CAMK2N2: variants seen among roughly 807,000 people sequenced by gnomAD.
The protein encoded by CAMK2N2 is calcium/calmodulin-dependent protein kinase II inhibitor 2.
A neutral mutation model predicts 7.8 loss-of-function variants in CAMK2N2; 3 were observed. The observed-to-expected ratio is 0.38, with a 90% confidence interval of 0.18 to 0.99. The LOEUF (loss-of-function observed/expected upper bound fraction) is 0.99. Among genes scored for constraint, CAMK2N2 ranks in the 50% least tolerant of loss-of-function variants. CAMK2N2 has a pLI of 0.37. For missense variants in CAMK2N2, 85 were observed against 108.4 expected (o/e 0.78, Z 0.96); for synonymous variants, 45 against 46.6 (o/e 0.97, Z 0.14).
In CAMK2N2 at chr3:184,261,064, G is replaced by T. The variant is rs1286529668; in HGVS notation, c.169+53C>A. On this transcript the variant is annotated intron_variant, in intron 1 of 1. Coordinates refer to ENST00000296238, the MANE Select transcript of CAMK2N2 (RefSeq NM_033259.3). This position sits in a 1 kb window ranked among gnomAD's most constrained non-coding sequence, Gnocchi z 5.1. ...CGGCGGGGAACGGCAGCCGGGGGGC[G>T]CCCGGCGGAGGGTTTCTGGGTCAGG... 1.3e-6 allele frequency: 2 copies of T among 1,512,868 alleles called. No homozygotes were observed. The highest frequency in any genetic ancestry group is 1.8e-6 in the Non-Finnish European group (2 of 1,137,944). The allele number at this position is 1,512,868 out of a possible 1,614,324, so 93.7% of individuals were successfully genotyped here.
At position 184,260,268 on chromosome 3, in the gene CAMK2N2, G is replaced by A. The variant is rs1719993867; in HGVS notation, c.170-41C>T. 1.3e-6 allele frequency: 2 copies of A among 1,587,132 alleles called. No individual in the cohort carries two copies. The highest frequency in any genetic ancestry group is 1.1e-5 in the South Asian group (1 of 90,460). On this transcript the variant is annotated intron_variant, in intron 1 of 1. Transcript: ENST00000296238. This position sits in a 1 kb window ranked among gnomAD's most constrained non-coding sequence, Gnocchi z 6.6. Reference sequence around the variant, plus strand: ...GCGCGTCAGCCGCGCGGCCTCGGGGGGCGGCGGCGATGAGAATGAGCCCCG... The same window carrying A: ...GCGCGTCAGCCGCGCGGCCTCGGGGAGCGGCGGCGATGAGAATGAGCCCCG...
In CAMK2N2 at chr3:184,260,159, A is replaced by G. The variant is rs768042097; in HGVS notation, c.238T>C (p.Ter80GlnextTer79). 1 of 1,592,692 alleles carries G rather than the reference A, an allele frequency of 6.3e-7. No individual in the cohort carries two copies. The highest frequency in any genetic ancestry group is 1.7e-5 in the Admixed American group (1 of 58,954). The change falls in exon 2 of 2, where the codon TAG becomes CAG. Residue 80 changes from the stop codon to glutamine, a stop_lost. Coordinates refer to ENST00000296238, the MANE Select transcript of CAMK2N2 (RefSeq NM_033259.3). The surrounding 1 kb of genome is among the most constrained non-coding windows in gnomAD (Gnocchi z 6.6). ...GMGEKPPSGV[*>Q] Reference sequence around the variant, plus strand: ...GCCCGCCGCCCGAGCCGGCGCGTCTACACTCCGGACGGCGGCTTCTCCCCC... The same window carrying G: ...GCCCGCCGCCCGAGCCGGCGCGTCTGCACTCCGGACGGCGGCTTCTCCCCC...
In CAMK2N2 at chr3:184,261,011, C is replaced by A; in HGVS notation, c.169+106G>T. ...CCCGGGCTGGAGAGCGGCTGGTGCG[C>A]TGGTCTGCGGCAAGAGCTGCGGGCA... On this transcript the variant is annotated intron_variant, in intron 1 of 1. Coordinates refer to ENST00000296238, the MANE Select transcript of CAMK2N2 (RefSeq NM_033259.3). This position sits in a 1 kb window ranked among gnomAD's most constrained non-coding sequence, Gnocchi z 5.1. The A allele has an allele frequency of 8.6e-7, 1 of 1,162,170 alleles. No individual in the cohort carries two copies. 72.0% of individuals were successfully genotyped at this position (1,162,170 alleles called of 1,614,324 possible).
chr3:184,261,435 C>G lies in CAMK2N2; in HGVS notation c.-150G>C. On this transcript the variant is annotated 5_prime_UTR_variant, in exon 1 of 2. Coordinates refer to ENST00000296238, the MANE Select transcript of CAMK2N2 (RefSeq NM_033259.3). The surrounding 1 kb of genome is among the most constrained non-coding windows in gnomAD (Gnocchi z 5.1). Reference sequence around the variant, plus strand: ...GGGGCTGAGGAGCCAAGCGGGGCCTCCTCCCCCGCGCCTCCGCCTCCCGGG... The same window carrying G: ...GGGGCTGAGGAGCCAAGCGGGGCCTGCTCCCCCGCGCCTCCGCCTCCCGGG... 1.8e-6 allele frequency: 1 copy of G among 542,674 alleles called. No homozygotes were observed. The highest frequency in any genetic ancestry group is 2.6e-6 in the Non-Finnish European group (1 of 378,192). The allele number at this position is 542,674 out of a possible 1,614,324, so 33.6% of individuals were successfully genotyped here. A position where few individuals can be genotyped will look rare whatever the true frequency, so the allele number is the denominator to read the frequency against.
Position 184,261,113 on chromosome 3 carries a change from G to T in CAMK2N2, c.169+4C>A, listed in dbSNP as rs769308598. ...GGCGGCGACTCCGGGCCCGGGCCGCGTACCTCGCTTGGCTCGGCCGATCTG... is the reference window on the plus strand; with the variant it reads ...GGCGGCGACTCCGGGCCCGGGCCGCTTACCTCGCTTGGCTCGGCCGATCTG... On this transcript the variant is annotated splice_donor_region_variant and intron_variant, in intron 1 of 1. Coordinates refer to ENST00000296238, the MANE Select transcript of CAMK2N2 (RefSeq NM_033259.3). The surrounding 1 kb of genome is among the most constrained non-coding windows in gnomAD (Gnocchi z 5.1). 2 of 1,595,696 alleles carry T rather than the reference G, an allele frequency of 1.3e-6. No homozygotes were observed. Among genetic ancestry groups the T allele is most frequent in the Non-Finnish European group, 1.7e-6 (2 of 1,173,578 alleles).
chr3:184,261,398 C>A lies in CAMK2N2; in HGVS notation c.-113G>T. ...AGGGGAGCCGGCGGAAGGATGAAGT[C>A]ATGCAGCATCCGGGGCTGAGGAGCC... On this transcript the variant is annotated 5_prime_UTR_variant, in exon 1 of 2. An upstream start codon of the reference 5' UTR is lost. Coordinates refer to ENST00000296238, the MANE Select transcript of CAMK2N2 (RefSeq NM_033259.3). This position sits in a 1 kb window ranked among gnomAD's most constrained non-coding sequence, Gnocchi z 5.1. The A allele has an allele frequency of 3.3e-6, 3 of 920,590 alleles. No individual in the cohort carries two copies. Among genetic ancestry groups the A allele is most frequent in the Non-Finnish European group, 4.3e-6 (3 of 690,168 alleles). The allele number at this position is 920,590 out of a possible 1,614,324, so 57.0% of individuals were successfully genotyped here. A position where few individuals can be genotyped will look rare whatever the true frequency, so the allele number is the denominator to read the frequency against.
At position 184,261,311 on chromosome 3, in the gene CAMK2N2, G is replaced by C. The variant is rs753187589; in HGVS notation, c.-26C>G. 125 of 1,475,782 alleles carry C rather than the reference G, an allele frequency of 8.5e-5. No individual in the cohort carries two copies. The highest frequency in any genetic ancestry group is 1.1e-4 in the Non-Finnish European group (124 of 1,119,192). 91.4% of individuals were successfully genotyped at this position (1,475,782 alleles called of 1,614,324 possible). On this transcript the variant is annotated 5_prime_UTR_variant, in exon 1 of 2. Coordinates refer to ENST00000296238, the MANE Select transcript of CAMK2N2 (RefSeq NM_033259.3). The surrounding 1 kb of genome is among the most constrained non-coding windows in gnomAD (Gnocchi z 5.1). ...GGCGGGCGCGGGGTGGGCGCGGGGC[G>C]GGAGCGGGACTGCGGCGGGGCGCGG... is the stretch of plus-strand genomic sequence containing the variant.
In CAMK2N2 at chr3:184,261,011, C is replaced by G; in HGVS notation, c.169+106G>C. 1.7e-6 allele frequency: 2 copies of G among 1,162,166 alleles called. No homozygotes were observed. The highest frequency in any genetic ancestry group is 2.3e-6 in the Non-Finnish European group (2 of 878,310). The allele number at this position is 1,162,166 out of a possible 1,614,324, so 72.0% of individuals were successfully genotyped here. On this transcript the variant is annotated intron_variant, in intron 1 of 1. Coordinates refer to ENST00000296238, the MANE Select transcript of CAMK2N2 (RefSeq NM_033259.3). This position sits in a 1 kb window ranked among gnomAD's most constrained non-coding sequence, Gnocchi z 5.1. ...CCCGGGCTGGAGAGCGGCTGGTGCG[C>G]TGGTCTGCGGCAAGAGCTGCGGGCA... is the stretch of plus-strand genomic sequence containing the variant.
In CAMK2N2 at chr3:184,260,485, C is replaced by T. The variant is rs894421274; in HGVS notation, c.170-258G>A. ...TATTCTCCCTCCCAGTGCGAGCCCT[C>T]CTGCCACCTGAGCCTTCCTCCCTCT... On this transcript the variant is annotated intron_variant, in intron 1 of 1. Coordinates refer to ENST00000296238, the MANE Select transcript of CAMK2N2 (RefSeq NM_033259.3). The surrounding 1 kb of genome is among the most constrained non-coding windows in gnomAD (Gnocchi z 6.6). 6.6e-6 allele frequency among the ~76,000 whole-genome samples: 1 copy of T among 152,230 alleles called. No individual in the cohort carries two copies. The highest frequency in any genetic ancestry group is 1.5e-5 in the Non-Finnish European group (1 of 68,038).
Position 184,260,690 on chromosome 3 carries a change from C to G in CAMK2N2, c.169+427G>C, listed in dbSNP as rs1294571263. 6.6e-6 allele frequency among the ~76,000 whole-genome samples: 1 copy of G among 152,230 alleles called. No individual in the cohort carries two copies. Among genetic ancestry groups the G allele is most frequent in the Non-Finnish European group, 1.5e-5 (1 of 68,044 alleles). On this transcript the variant is annotated intron_variant, in intron 1 of 1. Coordinates refer to ENST00000296238, the MANE Select transcript of CAMK2N2 (RefSeq NM_033259.3). This position sits in a 1 kb window ranked among gnomAD's most constrained non-coding sequence, Gnocchi z 6.6. ...CTGGCACCAACAGAGCTCCCCTCCC[C>G]ATGCAAACAACCAAGACAAGCGGAC...
rs755000365 is a variant in CAMK2N2, at chr3:184,260,263, C to T, written c.170-36G>A. On this transcript the variant is annotated intron_variant, in intron 1 of 1. Transcript: ENST00000296238. The surrounding 1 kb of genome is among the most constrained non-coding windows in gnomAD (Gnocchi z 6.6). ...AGAAAGCGCGTCAGCCGCGCGGCCT[C>T]GGGGGGCGGCGGCGATGAGAATGAG... 3 of 1,593,606 alleles carry T rather than the reference C, an allele frequency of 1.9e-6. No individual in the cohort carries two copies. The highest frequency in any genetic ancestry group is 2.3e-5 in the East Asian group (1 of 44,368).
Position 184,260,303 on chromosome 3 carries a change from T to C in CAMK2N2, c.170-76A>G. ...ATGAGAATGAGCCCCGCGTCCTAGC[T>C]TCCCGCGCAGCTACTGCCCGTGGCC... On this transcript the variant is annotated intron_variant, in intron 1 of 1. Transcript: ENST00000296238. This position sits in a 1 kb window ranked among gnomAD's most constrained non-coding sequence, Gnocchi z 6.6. 1 of 1,416,348 alleles carries C rather than the reference T, an allele frequency of 7.1e-7. No individual in the cohort carries two copies. The highest frequency in any genetic ancestry group is 9.8e-7 in the Non-Finnish European group (1 of 1,019,294). The allele number at this position is 1,416,348 out of a possible 1,614,324, so 87.7% of individuals were successfully genotyped here. A position where few individuals can be genotyped will look rare whatever the true frequency, so the allele number is the denominator to read the frequency against.
Position 184,261,070 on chromosome 3 carries a change from C to T in CAMK2N2, c.169+47G>A. 2.0e-6 allele frequency: 3 copies of T among 1,534,108 alleles called. No individual in the cohort carries two copies. Among genetic ancestry groups the T allele is most frequent in the African/African-American group, 2.9e-5 (2 of 69,994 alleles). ...GGAACGGCAGCCGGGGGGCGCCCGG[C>T]GGAGGGTTTCTGGGTCAGGCGGCGA... is the stretch of plus-strand genomic sequence containing the variant. On this transcript the variant is annotated intron_variant, in intron 1 of 1. Coordinates refer to ENST00000296238, the MANE Select transcript of CAMK2N2 (RefSeq NM_033259.3). This position sits in a 1 kb window ranked among gnomAD's most constrained non-coding sequence, Gnocchi z 5.1.
rs1393257445 is a variant in CAMK2N2 at position 184,261,309 on chromosome 3, G to A, written c.-24C>T. ...ATGGCGGGCGCGGGGTGGGCGCGGG[G>A]CGGGAGCGGGACTGCGGCGGGGCGC... On this transcript the variant is annotated 5_prime_UTR_variant, in exon 1 of 2. Transcript: ENST00000296238. This position sits in a 1 kb window ranked among gnomAD's most constrained non-coding sequence, Gnocchi z 5.1. 1 of 1,477,204 alleles carries A rather than the reference G, an allele frequency of 6.8e-7. No individual in the cohort carries two copies. The highest frequency in any genetic ancestry group is 8.9e-7 in the Non-Finnish European group (1 of 1,119,890). The allele number at this position is 1,477,204 out of a possible 1,614,324, so 91.5% of individuals were successfully genotyped here.
At position 184,261,113 on chromosome 3, in the gene CAMK2N2, G is replaced by C. The variant is rs769308598; in HGVS notation, c.169+4C>G. 1.3e-6 allele frequency: 2 copies of C among 1,595,696 alleles called. No homozygotes were observed. Among genetic ancestry groups the C allele is most frequent in the Non-Finnish European group, 8.5e-7 (1 of 1,173,578 alleles). On this transcript the variant is annotated splice_donor_region_variant and intron_variant, in intron 1 of 1. Transcript: ENST00000296238. This position sits in a 1 kb window ranked among gnomAD's most constrained non-coding sequence, Gnocchi z 5.1. Reference sequence around the variant, plus strand: ...GGCGGCGACTCCGGGCCCGGGCCGCGTACCTCGCTTGGCTCGGCCGATCTG... The same window carrying C: ...GGCGGCGACTCCGGGCCCGGGCCGCCTACCTCGCTTGGCTCGGCCGATCTG...
In CAMK2N2 at chr3:184,261,434, T is replaced by G; in HGVS notation, c.-149A>C. The G allele has an allele frequency of 1.9e-6, 1 of 520,926 alleles. No individual in the cohort carries two copies. Among genetic ancestry groups the G allele is most frequent in the Admixed American group, 5.3e-5 (1 of 18,694 alleles). 32.3% of individuals were successfully genotyped at this position (520,926 alleles called of 1,614,324 possible). A position where few individuals can be genotyped will look rare whatever the true frequency, so the allele number is the denominator to read the frequency against. ...CGGGGCTGAGGAGCCAAGCGGGGCCTCCTCCCCCGCGCCTCCGCCTCCCGG... is the reference window on the plus strand; with the variant it reads ...CGGGGCTGAGGAGCCAAGCGGGGCCGCCTCCCCCGCGCCTCCGCCTCCCGG... On this transcript the variant is annotated 5_prime_UTR_variant, in exon 1 of 2. Coordinates refer to ENST00000296238, the MANE Select transcript of CAMK2N2 (RefSeq NM_033259.3). This position sits in a 1 kb window ranked among gnomAD's most constrained non-coding sequence, Gnocchi z 5.1.
chr3:184,261,094 G>A lies in CAMK2N2; in HGVS notation c.169+23C>T. On this transcript the variant is annotated intron_variant, in intron 1 of 1. Coordinates refer to ENST00000296238, the MANE Select transcript of CAMK2N2 (RefSeq NM_033259.3). This position sits in a 1 kb window ranked among gnomAD's most constrained non-coding sequence, Gnocchi z 5.1. ...GCGGAGGGTTTCTGGGTCAGGCGGCGACTCCGGGCCCGGGCCGCGTACCTC... is the reference window on the plus strand; with the variant it reads ...GCGGAGGGTTTCTGGGTCAGGCGGCAACTCCGGGCCCGGGCCGCGTACCTC... 1 of 1,584,316 alleles carries A rather than the reference G, an allele frequency of 6.3e-7. No individual in the cohort carries two copies.
At position 184,261,031 on chromosome 3, in the gene CAMK2N2, C is replaced by T. The variant is rs1021604026; in HGVS notation, c.169+86G>A. 4 of 1,386,334 alleles carry T rather than the reference C, an allele frequency of 2.9e-6. No homozygotes were observed. Among genetic ancestry groups the T allele is most frequent in the Middle Eastern group, 2.6e-4 (1 of 3,894 alleles). The allele number at this position is 1,386,334 out of a possible 1,614,324, so 85.9% of individuals were successfully genotyped here. A position where few individuals can be genotyped will look rare whatever the true frequency, so the allele number is the denominator to read the frequency against. The stretch of plus-strand genomic sequence containing the variant: ...GTGCGCTGGTCTGCGGCAAGAGCTG[C>T]GGGCACTCGGCGGGGAACGGCAGCC... On this transcript the variant is annotated intron_variant, in intron 1 of 1. Transcript: ENST00000296238. This position sits in a 1 kb window ranked among gnomAD's most constrained non-coding sequence, Gnocchi z 5.1.
At position 184,260,555 on chromosome 3, in the gene CAMK2N2, C is replaced by A. The variant is rs1313871920; in HGVS notation, c.170-328G>T. On this transcript the variant is annotated intron_variant, in intron 1 of 1. Transcript: ENST00000296238. This position sits in a 1 kb window ranked among gnomAD's most constrained non-coding sequence, Gnocchi z 6.6. ...TGCTCACGGAATCCCCCTCTTCAAC[C>A]CGCACTTCAACAGATCCCCCTGCTC... 6.6e-6 allele frequency among the ~76,000 whole-genome samples: 1 copy of A among 152,198 alleles called. No homozygotes were observed. Among genetic ancestry groups the A allele is most frequent in the Non-Finnish European group, 1.5e-5 (1 of 68,034 alleles).
Sources: allele counts gnomAD v4.1 joint callset (sites outside exome capture counted in the v4.1 genomes callset), GRCh38; gene constraint gnomAD v4.1.1; non-coding constraint Gnocchi (gnomAD v3.1); transcripts MANE v1.5; gene names NCBI Gene and HGNC (gene_info 2026-07-23, HGNC 2026-07-21).